Variants in MTG1 observed in about 807,000 individuals in gnomAD.
MTG1 encodes the protein mitochondrial ribosome associated GTPase 1, also known as mitochondrial ribosome-associated GTPase 1.
A neutral mutation model predicts 39.5 loss-of-function variants in MTG1; 30 were observed. The observed-to-expected ratio is 0.76, with a 90% CI of 0.57 to 1.03. MTG1 has a LOEUF of 1.03. Ranked by LOEUF, MTG1 falls within the 50% of genes least tolerant of loss-of-function variation. The pLI is 0.00. For missense variants in MTG1, 513 were observed against 447.4 expected, an observed-to-expected ratio of 1.15 and a Z score of -1.32; for synonymous variants, 217 against 179.0, an observed-to-expected ratio of 1.21 and a Z score of -1.69.
intron 1 of MTG1, chr10:133,394,588 C>T (rs1013270071): frequency 1.2e-5 from 16 of 1,313,156 alleles, no homozygotes; most frequent in Admixed American, 4.2e-5. Context: ...GCCTGCTTGA[C>T]CTCCTACCTC....
intron 3 of MTG1, 128 bp downstream of exon 3, chr10:133,396,395 C>G: frequency 2.5e-6 from 2 of 796,492 alleles, no homozygotes; most frequent in Non-Finnish European, 4.1e-6. Context: ...TTAGAAACAG[C>G]CCTTTGCTTT....
chr10:133,396,306 TG>T, intron 3 of MTG1, 39 bp downstream of exon 3: 2 of 1,548,788 alleles, frequency 1.3e-6, no homozygotes, highest in Non-Finnish European at 8.9e-7. Context: ...GCAGTGTGGC[TG>T]TGTTTTCCCG....
At chr10:133,401,491 A>G in intron 6 of MTG1, 38 bp from the exon 7 acceptor site, 1 of 1,513,542 alleles carries the variant, frequency 6.6e-7, no homozygotes, top group Non-Finnish European at 8.9e-7. Context: ...TTCTGTGTTT[A>G]GTATACATTT....
intron 9 of MTG1, among the ~76,000 whole-genome samples, chr10:133,419,000 C>T (rs959171607): frequency 5.9e-5 from 9 of 152,214 alleles, no homozygotes; most frequent in African/African-American, 2.2e-4. Flanking sequence ...AAACACCCAG[C>T]CGGGTGGAGA....
intron 9 of MTG1, among the ~76,000 whole-genome samples, chr10:133,416,009 T>C (rs573811208): frequency 7.8e-4 from 102 of 130,380 alleles, no homozygotes; most frequent in South Asian, 2.8e-3. Context: ...GGCAGGCGGG[T>C]GTCGGGCACG....
At chr10:133,394,552 C>T (rs1849752314) in intron 1 of MTG1, 9 of 1,337,798 alleles carry the variant, frequency 6.7e-6, no homozygotes, top group South Asian at 5.5e-5. Context: ...CCGCGAGTGC[C>T]CCCGCGGCGC....
intron 9 of MTG1, among the ~76,000 whole-genome samples, chr10:133,417,032 T>C (rs1368755414): frequency 6.6e-6 from 1 of 150,518 alleles, no homozygotes; most frequent in African/African-American, 2.4e-5. Context: ...AGTGTAAAAG[T>C]GTTCCTATTT....
chr10:133,402,900 T>A lies in MTG1; in HGVS notation c.752+127T>A. 2 of 708,586 alleles carry A rather than the reference T, an allele frequency of 2.8e-6. No individual in the cohort carries two copies. Among genetic ancestry groups the A allele is most frequent in the Non-Finnish European group, 4.6e-6 (2 of 433,346 alleles). The allele number at this position is 708,586 out of a possible 1,614,324, so 43.9% of individuals were successfully genotyped here. A position where few individuals can be genotyped will look rare whatever the true frequency, so the allele number is the denominator to read the frequency against. On this transcript the variant is annotated intron_variant, in intron 9 of 10. Coordinates refer to ENST00000317502, the MANE Select transcript of MTG1 (RefSeq NM_138384.4). The surrounding 1 kb of genome is among the most constrained non-coding windows in gnomAD (Gnocchi z 4.7). ...TAAACACGGTAACCTGCACATCGTT[T>A]AAAGCGTCCAGTTGGACAAGTTCGG...
rs946550944 is a variant in MTG1 at position 133,422,254 on chromosome 10, C to T, written c.*2089C>T. ...CAGGCCGTCAGCTGCCAGCCCACCA[C>T]GCGGATACCCAGGCCCTGTTCCGAG... is the stretch of plus-strand genomic sequence containing the variant. On this transcript the variant is annotated 3_prime_UTR_variant, in exon 11 of 11. Transcript: ENST00000317502. 1.3e-5 allele frequency: 2 copies of T among 152,426 alleles called. No homozygotes were observed. Among genetic ancestry groups the T allele is most frequent in the African/African-American group, 4.8e-5 (2 of 41,468 alleles). The allele number at this position is 152,426 out of a possible 1,614,324, so 9.4% of individuals were successfully genotyped here. A position where few individuals can be genotyped will look rare whatever the true frequency, so the allele number is the denominator to read the frequency against.
chr10:133,399,539 A>T lies in MTG1; in HGVS notation c.431A>T (p.Tyr144Phe), dbSNP rs1183727998. The change falls in exon 6 of 11, where the codon TAC becomes TTC. Residue 144 changes from tyrosine (Y) to phenylalanine (F), a missense_variant. Physicochemically the swap from Tyr to Phe is conservative, Grantham distance 22. Transcript: ENST00000317502. ...TCTCTGCCTGCGCAGAACCTGGAGT[A>T]CTGTATCATGGTCATTGGGGTCCCC... ...HRYHRKENLE[Y>F]CIMVIGVPNV... 1 of 1,614,130 alleles carries T rather than the reference A, an allele frequency of 6.2e-7. No individual in the cohort carries two copies. The highest frequency in any genetic ancestry group is 1.7e-5 in the Admixed American group (1 of 60,020).
At position 133,402,745 on chromosome 10, in the gene MTG1, TACACCCTCA is replaced by T; in HGVS notation, c.728_736del (p.Thr243_Asn245del). 6.2e-7 allele frequency: 1 copy of T among 1,608,092 alleles called. No homozygotes were observed. The highest frequency in any genetic ancestry group is 8.5e-7 in the Non-Finnish European group (1 of 1,177,682). Reference sequence around the variant, plus strand: ...GGAGACCATGGCTGACTACCTGCTGTACACCCTCAACAAACACCAGCGCTTTGGGTGAGT... The same window carrying T: ...GGAGACCATGGCTGACTACCTGCTGTACAAACACCAGCGCTTTGGGTGAGT... On this transcript the variant is annotated inframe_deletion, in exon 9 of 11. Coordinates refer to ENST00000317502, the MANE Select transcript of MTG1 (RefSeq NM_138384.4). This position sits in a 1 kb window ranked among gnomAD's most constrained non-coding sequence, Gnocchi z 4.7.
Position 133,419,389 on chromosome 10 carries a change from CTTTGTGGCA to C in MTG1, c.753-88_753-80del. On this transcript the variant is annotated intron_variant, in intron 9 of 10. Coordinates refer to ENST00000317502, the MANE Select transcript of MTG1 (RefSeq NM_138384.4). The stretch of plus-strand genomic sequence containing the variant: ...CCCACAGGAGGTGCCTGGCCGTGGC[CTTTGTGGCA>C]TTCAGGAGGAAGGGCCCGGCCTGGC... 2.7e-6 allele frequency: 3 copies of C among 1,098,740 alleles called. No homozygotes were observed. The South Asian group carries it at 4.3e-5, about 16-fold the overall frequency. 68.1% of individuals were successfully genotyped at this position (1,098,740 alleles called of 1,614,324 possible). A position where few individuals can be genotyped will look rare whatever the true frequency, so the allele number is the denominator to read the frequency against.
chr10:133,414,122 C>G (rs1037091141), intron 9 of MTG1, among the ~76,000 whole-genome samples: 3 of 149,340 alleles, frequency 2.0e-5, no homozygotes, highest in Non-Finnish European at 4.4e-5. Flanking sequence ...TGACTCTTAA[C>G]GAGCATGCTG....
rs1160679399 is a variant in MTG1 at position 133,395,774 on chromosome 10, C to G, written c.174C>G (p.Ala58=). 1.2e-6 allele frequency: 2 copies of G among 1,613,968 alleles called. No individual in the cohort carries two copies. Among genetic ancestry groups the G allele is most frequent in the Admixed American group, 1.7e-5 (1 of 60,000 alleles). Residue 58 remains alanine, a synonymous_variant, in exon 2 of 11, where the codon GCC becomes GCG. Coordinates refer to ENST00000317502, the MANE Select transcript of MTG1 (RefSeq NM_138384.4). Reference sequence around the variant, plus strand: ...ACTGTATCATCGAGGTCCACGATGCCCGGATATCCTTTCACAGAGCAGGGG... The same window carrying G: ...ACTGTATCATCGAGGTCCACGATGCGCGGATATCCTTTCACAGAGCAGGGG... The part of the protein sequence containing the change: ...LVDCIIEVHD[A]RIPLSGRNPL...
chr10:133,406,280 A>T (rs1849969060), intron 9 of MTG1, among the ~76,000 whole-genome samples: 1 of 152,128 alleles, frequency 6.6e-6, no homozygotes, highest in Non-Finnish European at 1.5e-5. Context: ...TCTGTAGATT[A>T]TCTTGTCAGT....
At chr10:133,410,693 G>A (rs752401695) in intron 9 of MTG1, among the ~76,000 whole-genome samples, 1 of 152,208 alleles carries the variant, frequency 6.6e-6, no homozygotes, top group Non-Finnish European at 1.5e-5. Flanking sequence ...GATTGCTGGA[G>A]CCCAGGAGTT....
intron 9 of MTG1, among the ~76,000 whole-genome samples, chr10:133,411,987 C>T (rs535300803): frequency 3.3e-5 from 5 of 152,106 alleles, no homozygotes; most frequent in African/African-American, 9.6e-5. Context: ...CGCGGTTTTC[C>T]GTTAGCTGTT....
intron 1 of MTG1, 141 bp downstream of exon 1, chr10:133,394,473 C>T (rs1402976823): frequency 1.7e-5 from 23 of 1,337,196 alleles, no homozygotes; most frequent in Admixed American, 4.0e-5. Context: ...TCCCCTCCTT[C>T]CCCGCTCTCA....
intron 9 of MTG1, among the ~76,000 whole-genome samples, chr10:133,405,236 T>C (rs554941379): frequency 7.2e-5 from 11 of 152,352 alleles, no homozygotes; most frequent in African/African-American, 2.6e-4. Context: ...AAGATTTATA[T>C]TGAACTCTTT....
Sources: gnomAD v4.1 joint callset for allele counts (sites outside exome capture counted in the v4.1 genomes callset) on GRCh38, gnomAD v4.1.1 for gene constraint, Gnocchi (gnomAD v3.1) non-coding constraint, MANE v1.5 for transcripts, NCBI Gene and HGNC (gene_info 2026-07-23, HGNC 2026-07-21) for gene names.